The following CPEB1 variants were observed in gnomAD, a reference collection of about 807,000 sequenced individuals.
The protein encoded by CPEB1 is cytoplasmic polyadenylation element binding protein 1, also known as cytoplasmic polyadenylation element-binding protein 1.
CPEB1 carries 7 observed loss-of-function variants against 65.8 expected under a neutral mutation model. The observed-to-expected ratio is 0.11, with a 90% CI of 0.06 to 0.20. CPEB1 has a LOEUF of 0.20. Among genes scored for constraint, CPEB1 ranks in the 10% least tolerant of loss-of-function variants. CPEB1 has a pLI of 1.00. For missense variants in CPEB1, 551 were observed against 712.2 expected, an observed-to-expected ratio of 0.77 and a Z score of 2.58; for synonymous variants, 262 against 260.0, an observed-to-expected ratio of 1.01 and a Z score of -0.08.
At chr15:82,564,136 G>C (rs1341476794) in intron 4 of CPEB1, among the ~76,000 whole-genome samples, 8 of 152,160 alleles carry the variant, frequency 5.3e-5, no homozygotes, top group African/African-American at 1.9e-4. Context: ...ATAGCAATTA[G>C]CTCAACATCT....
At chr15:82,647,495 G>A (rs1051304352), upstream of CPEB1, 4 of 211,734 alleles carry the variant, frequency 1.9e-5, no homozygotes, top group East Asian at 4.0e-4. Context: ...CGACGGCAGT[G>A]TGAGAAAGAA....
chr15:82,549,360 T>C (rs1262964611), intron 10 of CPEB1, 100 bp downstream of exon 10: 5 of 1,209,684 alleles, frequency 4.1e-6, no homozygotes, highest in East Asian at 4.7e-5. Flanking sequence ...TCTGCAGACC[T>C]GGGTCAGGCC....
intron 1 of CPEB1, chr15:82,638,487 T>G (rs1054797096): frequency 6.6e-6 from 1 of 152,274 alleles, no homozygotes; most frequent in Non-Finnish European, 1.5e-5. Context: ...CCAAAATTCT[T>G]ATTTTTTTCT....
At chr15:82,546,155 G>C (rs1481619836) in intron 12 of CPEB1, among the ~76,000 whole-genome samples, 1 of 152,040 alleles carries the variant, frequency 6.6e-6, no homozygotes, top group Non-Finnish European at 1.5e-5. Context: ...TCTGTCCCAG[G>C]CTGAAGTGCA....
intron 3 of CPEB1, among the ~76,000 whole-genome samples, chr15:82,612,079 A>T (rs2044210516): frequency 6.6e-6 from 1 of 152,100 alleles, no homozygotes; most frequent in Non-Finnish European, 1.5e-5. Flanking sequence ...GATAAAATAA[A>T]AACTGGAAAT....
intron 3 of CPEB1, among the ~76,000 whole-genome samples, chr15:82,595,991 G>A (rs1413797523): frequency 1.3e-5 from 2 of 152,170 alleles, no homozygotes; most frequent in Non-Finnish European, 2.9e-5. Flanking sequence ...GTGAAGTACT[G>A]CCATGGGAAT....
intron 7 of CPEB1, 53 bp downstream of exon 7, chr15:82,553,825 G>C (rs1055896684): frequency 1.6e-5 from 21 of 1,289,922 alleles, no homozygotes; most frequent in Non-Finnish European, 2.4e-5. Flanking sequence ...TCATGCTCCT[G>C]AAAGACATGC....
At chr15:82,589,040 A>G (rs1331096850) in intron 3 of CPEB1, among the ~76,000 whole-genome samples, 2 of 152,174 alleles carry the variant, frequency 1.3e-5, no homozygotes, top group African/African-American at 4.8e-5. Flanking sequence ...TGTTGAACCT[A>G]ACCTTGAAAT....
intron 4 of CPEB1, among the ~76,000 whole-genome samples, chr15:82,560,523 G>A (rs1008204903): frequency 3.3e-5 from 5 of 150,908 alleles, no homozygotes; most frequent in Non-Finnish European, 7.4e-5. Flanking sequence ...TAGAACAGCT[G>A]GGACTACAGG....
chr15:82,573,656 G>A (rs2040334804), intron 3 of CPEB1, among the ~76,000 whole-genome samples: 1 of 152,136 alleles, frequency 6.6e-6, no homozygotes, highest in Non-Finnish European at 1.5e-5. Flanking sequence ...CTCACGAGGA[G>A]AGAATCAACT....
intron 3 of CPEB1, among the ~76,000 whole-genome samples, chr15:82,607,796 C>T (rs1271151716): frequency 1.3e-5 from 2 of 152,062 alleles, no homozygotes; most frequent in Admixed American, 6.6e-5. Context: ...CAATTATAAA[C>T]ACCAATGAAC....
At chr15:82,585,691 C>T (rs1483189310) in intron 3 of CPEB1, among the ~76,000 whole-genome samples, 1 of 152,134 alleles carries the variant, frequency 6.6e-6, no homozygotes, top group African/African-American at 2.4e-5. Context: ...TGTAAAATTC[C>T]ATTTTGTTTT....
intron 4 of CPEB1, among the ~76,000 whole-genome samples, chr15:82,563,556 G>A (rs1304687281): frequency 4.1e-5 from 6 of 148,054 alleles, no homozygotes; most frequent in African/African-American, 1.2e-4. Context: ...TGCCCAGGCT[G>A]GTCTTGAACT....
intron 3 of CPEB1, among the ~76,000 whole-genome samples, chr15:82,619,268 C>T (rs1157346448): frequency 6.6e-6 from 1 of 152,112 alleles, no homozygotes; most frequent in Non-Finnish European, 1.5e-5. Flanking sequence ...ATTAATCTTC[C>T]CCTTCTTATA....
intron 3 of CPEB1, among the ~76,000 whole-genome samples, chr15:82,620,461 T>C (rs1180302819): frequency 1.3e-5 from 2 of 151,726 alleles, no homozygotes; most frequent in Non-Finnish European, 2.9e-5. Flanking sequence ...TGTGATTCCA[T>C]TTATGTAAAT....
intron 3 of CPEB1, among the ~76,000 whole-genome samples, chr15:82,621,070 G>A (rs148738467): frequency 0.02 from 3,056 of 152,324 alleles, 52 homozygotes; most frequent in Non-Finnish European, 0.031. Context: ...AAGACTTCAT[G>A]AGAGTAATTT....
At chr15:82,574,071 A>C (rs1163554692) in intron 3 of CPEB1, among the ~76,000 whole-genome samples, 1 of 152,214 alleles carries the variant, frequency 6.6e-6, no homozygotes, top group African/African-American at 2.4e-5. Flanking sequence ...ATTTAAGACC[A>C]AATGGCTACA....
At chr15:82,585,643 C>A (rs536017046) in intron 3 of CPEB1, among the ~76,000 whole-genome samples, 1 of 152,202 alleles carries the variant, frequency 6.6e-6, no homozygotes, top group South Asian at 2.1e-4. Context: ...ATTCAAAACC[C>A]GAGCCCTTCC....
At chr15:82,626,799 A>G (rs548702606) in intron 3 of CPEB1, among the ~76,000 whole-genome samples, 1 of 152,338 alleles carries the variant, frequency 6.6e-6, no homozygotes, top group Non-Finnish European at 1.5e-5. Flanking sequence ...AATCTCATTA[A>G]TAGTTTTCAT....
Sources: gnomAD v4.1 joint callset for allele counts (sites outside exome capture counted in the v4.1 genomes callset) on GRCh38, gnomAD v4.1.1 for gene constraint, MANE v1.5 for transcripts, NCBI Gene and HGNC (gene_info 2026-07-23, HGNC 2026-07-21) for gene names.